The following MAD1L1 variants were observed in gnomAD, a reference collection of about 807,000 sequenced individuals.
The protein encoded by MAD1L1 is mitotic arrest deficient 1 like 1, also known as mitotic spindle assembly checkpoint protein MAD1.
MAD1L1 carries 95 observed loss-of-function variants against 96.9 expected under a neutral mutation model. That is an observed-to-expected ratio of 0.98 (90% CI 0.83 to 1.16). The LOEUF is 1.16. MAD1L1 is among the 50% of genes most tolerant of loss of function. The pLI, the probability that MAD1L1 is intolerant of heterozygous loss-of-function variation, is 0.00. For missense variants in MAD1L1, 1,007 were observed against 954.4 expected, an observed-to-expected ratio of 1.06 and a Z score of -0.73; for synonymous variants, 473 against 396.6, an observed-to-expected ratio of 1.19 and a Z score of -2.29.
chr7:2,015,102 G>C (rs1562608578), intron 12 of MAD1L1, among the ~76,000 whole-genome samples: 2 of 152,342 alleles, frequency 1.3e-5, no homozygotes, highest in Non-Finnish European at 2.9e-5. Context: ...AACGACAGTG[G>C]GCAGGCCCAG....
At chr7:1,924,617 C>G (rs986452758) in intron 17 of MAD1L1, among the ~76,000 whole-genome samples, 1 of 152,150 alleles carries the variant, frequency 6.6e-6, no homozygotes, top group Non-Finnish European at 1.5e-5. Flanking sequence ...AAAGAAGCCC[C>G]GAAGGAAGTC....
chr7:1,899,817 G>A (rs548993088), intron 17 of MAD1L1, among the ~76,000 whole-genome samples: 5 of 152,316 alleles, frequency 3.3e-5, no homozygotes, highest in South Asian at 2.1e-4. Flanking sequence ...TAAGGTGGAC[G>A]ATGCAGTCCA....
chr7:2,049,557 AG>A (rs1246910276), intron 12 of MAD1L1, among the ~76,000 whole-genome samples: 4 of 152,328 alleles, frequency 2.6e-5, no homozygotes, highest in South Asian at 2.1e-4. Flanking sequence ...GGACTCACCT[AG>A]TCCGCCCAGG....
intron 12 of MAD1L1, 83 bp from the exon 13 acceptor site, chr7:2,014,725 G>C: frequency 1.4e-6 from 2 of 1,454,908 alleles, no homozygotes; most frequent in Non-Finnish European, 1.8e-6. Flanking sequence ...GGCCCCACGA[G>C]AGCTGGGTCA....
intron 17 of MAD1L1, among the ~76,000 whole-genome samples, chr7:1,933,299 C>T (rs775242775): frequency 6.6e-6 from 1 of 152,172 alleles, no homozygotes; most frequent in Admixed American, 6.5e-5. Flanking sequence ...TGGGAGCTGT[C>T]GAGCTGGGGA....
chr7:2,117,320 C>G (rs533211823), intron 11 of MAD1L1, among the ~76,000 whole-genome samples: 1 of 152,362 alleles, frequency 6.6e-6, no homozygotes, highest in African/African-American at 2.4e-5. Context: ...TCCACAAGCA[C>G]TGCTGGTGCG....
intron 14 of MAD1L1, among the ~76,000 whole-genome samples, chr7:1,988,786 G>A (rs969270928): frequency 3.3e-5 from 5 of 152,166 alleles, no homozygotes; most frequent in South Asian, 2.1e-4. Context: ...CGTGTGCTCC[G>A]GGCAGTCCTA....
intron 11 of MAD1L1, among the ~76,000 whole-genome samples, chr7:2,070,998 C>T (rs1469533022): frequency 6.6e-6 from 1 of 151,832 alleles, no homozygotes; most frequent in African/African-American, 2.4e-5. Context: ...GAAGGGAAAG[C>T]TTCATCCCAG....
At chr7:1,854,409 G>C (rs1262634616) in intron 18 of MAD1L1, 2 of 459,790 alleles carry the variant, frequency 4.3e-6, no homozygotes, top group Non-Finnish European at 8.7e-6. Context: ...AGACTAGGTG[G>C]CTCGTAAACA....
intron 12 of MAD1L1, 133 bp downstream of exon 12, chr7:2,069,061 G>T: frequency 8.2e-7 from 1 of 1,217,026 alleles, no homozygotes; most frequent in South Asian, 1.7e-5. Flanking sequence ...AACCCTCCTG[G>T]CAACCCAGGG....
intron 12 of MAD1L1, among the ~76,000 whole-genome samples, chr7:2,026,044 C>G (rs563427263): frequency 5.3e-5 from 8 of 151,942 alleles, no homozygotes; most frequent in Admixed American, 6.6e-5. Context: ...ATGATTTTTA[C>G]GCTGAATATA....
chr7:2,215,281 G>A (rs1793203585), intron 9 of MAD1L1, among the ~76,000 whole-genome samples: 1 of 151,278 alleles, frequency 6.6e-6, no homozygotes, highest in Admixed American at 6.6e-5. Flanking sequence ...AGGAGGCTGA[G>A]GCAGGAGACT....
intron 17 of MAD1L1, among the ~76,000 whole-genome samples, chr7:1,909,170 C>T (rs1432733155): frequency 6.6e-6 from 1 of 152,176 alleles, no homozygotes; most frequent in African/African-American, 2.4e-5. Flanking sequence ...CACATCAGGC[C>T]GAGGTCTGAC....
At chr7:1,855,028 T>C (rs1448189851) in intron 18 of MAD1L1, among the ~76,000 whole-genome samples, 1 of 152,188 alleles carries the variant, frequency 6.6e-6, no homozygotes, top group Non-Finnish European at 1.5e-5. Flanking sequence ...GCACGTGGGC[T>C]GCGGTCCCCT....
chr7:1,996,499 C>T (rs559898645), intron 14 of MAD1L1, among the ~76,000 whole-genome samples: 9 of 152,344 alleles, frequency 5.9e-5, no homozygotes, highest in African/African-American at 2.2e-4. Flanking sequence ...TCTTCATGGG[C>T]CCACGGGACC....
chr7:1,879,195 C>T (rs558012461), intron 18 of MAD1L1, among the ~76,000 whole-genome samples: 33 of 151,950 alleles, frequency 2.2e-4, no homozygotes, highest in African/African-American at 7.3e-4. Context: ...TCTTCCCGGC[C>T]GGGTGCAGTG....
chr7:2,173,742 GTCTCTC>G (rs1790820607), intron 10 of MAD1L1, among the ~76,000 whole-genome samples: 1 of 152,114 alleles, frequency 6.6e-6, no homozygotes, highest in Non-Finnish European at 1.5e-5. Flanking sequence ...TCAGTCATCA[GTCTCTC>G]TCTTCCTTAG....
chr7:2,207,649 G>C (rs962614709), intron 10 of MAD1L1, among the ~76,000 whole-genome samples: 1 of 152,130 alleles, frequency 6.6e-6, no homozygotes, highest in African/African-American at 2.4e-5. Context: ...TGTATTATTC[G>C]TAACATCCTT....
intron 3 of MAD1L1, among the ~76,000 whole-genome samples, chr7:2,226,264 T>G (rs1793889974): frequency 1.3e-5 from 2 of 152,164 alleles, no homozygotes; most frequent in Admixed American, 6.5e-5. Context: ...TGAAACCTAC[T>G]CAGTATTGGA....
Sources: allele counts gnomAD v4.1 joint callset (sites outside exome capture counted in the v4.1 genomes callset), GRCh38; gene constraint gnomAD v4.1.1; transcripts MANE v1.5; gene names NCBI Gene and HGNC (gene_info 2026-07-23, HGNC 2026-07-21).